Variants in NR3C2 observed in about 807,000 individuals in gnomAD.
NR3C2 encodes the protein mineralocorticoid receptor.
NR3C2 carries 15 observed loss-of-function variants against 86.4 expected under a neutral mutation model. That is an observed-to-expected ratio of 0.17 (90% CI 0.12 to 0.27). The LOEUF is 0.27. NR3C2 is among the 10% of genes least tolerant of loss of function. The probability of loss-of-function intolerance (pLI) is 1.00; values close to 1 mark genes in which losing one functional copy is unlikely to be tolerated. For missense variants in NR3C2, 960 were observed against 1,195.6 expected, an observed-to-expected ratio of 0.80 and a Z score of 2.91; for synonymous variants, 458 against 450.5, an observed-to-expected ratio of 1.02 and a Z score of -0.21.
At chr4:148,300,761 G>A (rs992236394) in intron 2 of NR3C2, among the ~76,000 whole-genome samples, 1 of 151,996 alleles carries the variant, frequency 6.6e-6, no homozygotes, top group Non-Finnish European at 1.5e-5. Context: ...TAGTAGAGAT[G>A]GGGTTTCACT....
chr4:148,294,404 G>C (rs188545404), intron 2 of NR3C2, among the ~76,000 whole-genome samples: 1 of 152,016 alleles, frequency 6.6e-6, no homozygotes, highest in Non-Finnish European at 1.5e-5. Flanking sequence ...ATTTATATTA[G>C]ACATTATTAT....
chr4:148,184,542 T>C (rs561579135), intron 4 of NR3C2, among the ~76,000 whole-genome samples: 64 of 152,200 alleles, frequency 4.2e-4, no homozygotes, highest in African/African-American at 1.5e-3. Flanking sequence ...AATAAGACTA[T>C]ACATTTCATA....
chr4:148,379,827 C>T (rs1341978368), intron 2 of NR3C2, among the ~76,000 whole-genome samples: 1 of 151,408 alleles, frequency 6.6e-6, no homozygotes, highest in African/African-American at 2.5e-5. Flanking sequence ...CTTGTTCTTC[C>T]TCACAGATGC....
chr4:148,127,654 A>G (rs1732815442), intron 6 of NR3C2, among the ~76,000 whole-genome samples: 1 of 152,252 alleles, frequency 6.6e-6, no homozygotes, highest in Admixed American at 6.5e-5. Flanking sequence ...CCATTTCTAA[A>G]TATCTTCTTA....
At chr4:148,168,638 T>G (rs1734988709) in intron 4 of NR3C2, among the ~76,000 whole-genome samples, 1 of 152,162 alleles carries the variant, frequency 6.6e-6, no homozygotes, top group African/African-American at 2.4e-5. Flanking sequence ...TTGGTGAAAA[T>G]TATGAGGGGA....
At chr4:148,200,140 C>A (rs1736646338) in intron 3 of NR3C2, among the ~76,000 whole-genome samples, 1 of 152,192 alleles carries the variant, frequency 6.6e-6, no homozygotes. Context: ...GAAGCACAGG[C>A]AGGATGGGTA....
At chr4:148,390,829 T>A (rs150243759) in intron 2 of NR3C2, among the ~76,000 whole-genome samples, 18 of 152,296 alleles carry the variant, frequency 1.2e-4, no homozygotes, top group African/African-American at 4.3e-4. Context: ...AGTAAAAAAT[T>A]ATGTCTGCTC....
intron 2 of NR3C2, among the ~76,000 whole-genome samples, chr4:148,372,125 T>G (rs980809486): frequency 6.6e-6 from 1 of 152,284 alleles, no homozygotes; most frequent in Admixed American, 6.5e-5. Context: ...AAATAAAGAT[T>G]AGTCCTTTAA....
intron 5 of NR3C2, among the ~76,000 whole-genome samples, chr4:148,153,539 A>G (rs994208600): frequency 6.6e-6 from 1 of 152,122 alleles, no homozygotes; most frequent in Non-Finnish European, 1.5e-5. Flanking sequence ...CTGCCTGTGG[A>G]GTTTCACTGG....
At chr4:148,121,982 C>T (rs1186990331) in intron 6 of NR3C2, among the ~76,000 whole-genome samples, 2 of 113,576 alleles carry the variant, frequency 1.8e-5, no homozygotes, top group African/African-American at 3.0e-5. Flanking sequence ...ACTTCTGAGT[C>T]ATAGATTTGC....
At position 148,319,895 on chromosome 4, in the gene NR3C2, C is replaced by A. The variant is rs1423572209; in HGVS notation, c.1758-59778G>T. ...TCCTTCTCCTGCCTAATTGCCCTGG[C>A]CAGAACTTCCAACACTATGTTGAAT... On this transcript the variant is annotated intron_variant, in intron 2 of 8. Coordinates refer to ENST00000358102, the MANE Select transcript of NR3C2 (RefSeq NM_000901.5). Among the ~76,000 whole-genome samples, 462 of 140,930 alleles carry A rather than the reference C, an allele frequency of 3.3e-3. 5 individuals are homozygous for A. Among genetic ancestry groups the A allele is most frequent in the African/African-American group, 0.012 (427 of 36,004 alleles). 92.5% of individuals were successfully genotyped at this position (140,930 alleles called of 152,430 possible). A position where few individuals can be genotyped will look rare whatever the true frequency, so the allele number is the denominator to read the frequency against.
At chr4:148,289,378 T>A (rs1348491439) in intron 2 of NR3C2, among the ~76,000 whole-genome samples, 3 of 152,124 alleles carry the variant, frequency 2.0e-5, no homozygotes, top group Non-Finnish European at 4.4e-5. Context: ...GTATATTTGA[T>A]GTTTTTCATC....
chr4:148,281,011 G>A (rs189863467), intron 2 of NR3C2, among the ~76,000 whole-genome samples: 1 of 152,324 alleles, frequency 6.6e-6, no homozygotes, highest in East Asian at 1.9e-4. Context: ...TCCGCTCCTT[G>A]GGCTAGAGCT....
intron 3 of NR3C2, among the ~76,000 whole-genome samples, chr4:148,241,008 G>GA (rs1560995590): frequency 6.6e-6 from 1 of 151,802 alleles, no homozygotes; most frequent in Non-Finnish European, 1.5e-5. Flanking sequence ...AACGCCTTTA[G>GA]AAAAAAATAA....
At chr4:148,256,348 T>TCC in intron 3 of NR3C2, among the ~76,000 whole-genome samples, 1 of 152,172 alleles carries the variant, frequency 6.6e-6, no homozygotes, top group Non-Finnish European at 1.5e-5. Context: ...AACAACTCAA[T>TCC]GTGGTTGTAT....
intron 2 of NR3C2, among the ~76,000 whole-genome samples, chr4:148,268,823 G>A (rs142623083): frequency 1.3e-5 from 2 of 152,286 alleles, no homozygotes; most frequent in Non-Finnish European, 2.9e-5. Flanking sequence ...AACCAACAAC[G>A]TGGCATGGAA....
intron 3 of NR3C2, among the ~76,000 whole-genome samples, chr4:148,238,972 G>A (rs927519190): frequency 5.3e-5 from 8 of 152,142 alleles, no homozygotes; most frequent in Admixed American, 6.5e-5. Flanking sequence ...AGGGAACTCT[G>A]AGTCCAAGGG....
At position 148,080,886 on chromosome 4, in the gene NR3C2, GTTTT is replaced by G. The variant is rs72648710; in HGVS notation, c.*454_*457del. The G allele has an allele frequency of 8.3e-6, 3 of 360,820 alleles. No homozygotes were observed. Among genetic ancestry groups the G allele is most frequent in the African/African-American group, 4.3e-5 (2 of 46,600 alleles). The allele number at this position is 360,820 out of a possible 1,614,324, so 22.4% of individuals were successfully genotyped here. A position where few individuals can be genotyped will look rare whatever the true frequency, so the allele number is the denominator to read the frequency against. ...ATATATTTTTTTATTATTTTTTTGT[GTTTT>G]TTTAATAACAAAAGAATATTAATGC... On this transcript the variant is annotated 3_prime_UTR_variant, in exon 9 of 9. Transcript: ENST00000358102.
chr4:148,164,401 CATT>C lies in NR3C2; in HGVS notation c.2015-9503_2015-9501del, dbSNP rs1455243098. ...TGGTAACTTCTTCAGACAAATATAT[CATT>C]ATTTAGATGTAAATATCTAAATCAA... On this transcript the variant is annotated intron_variant, in intron 4 of 8. Transcript: ENST00000358102. 3.9e-5 allele frequency among the ~76,000 whole-genome samples: 6 copies of C among 152,276 alleles called. No homozygotes were observed. The East Asian group carries it at 1.2e-3, about 29-fold the overall frequency.
Sources: gnomAD v4.1 joint callset for allele counts (sites outside exome capture counted in the v4.1 genomes callset) on GRCh38, gnomAD v4.1.1 for gene constraint, MANE v1.5 for transcripts, NCBI Gene and HGNC (gene_info 2026-07-23, HGNC 2026-07-21) for gene names.